The following ENPEP variants were observed in gnomAD, a reference collection of about 807,000 sequenced individuals.
The protein encoded by ENPEP is glutamyl aminopeptidase.
ENPEP carries 103 observed loss-of-function variants against 114.5 expected under a neutral mutation model. The ratio of observed to expected loss-of-function variants is 0.90; its 90% CI spans 0.77 to 1.06. The LOEUF is 1.06. Ranked by LOEUF, ENPEP falls within the 50% of genes least tolerant of loss-of-function variation. The probability of loss-of-function intolerance (pLI) is 0.00; values close to 1 mark genes in which losing one functional copy is unlikely to be tolerated. For synonymous variants in ENPEP, 420 were observed against 422.0 expected (o/e 1.00, Z 0.06); for missense variants, 1,196 against 1,161.3 (o/e 1.03, Z -0.43).
chr4:110,546,555 T>C (rs1371271524), intron 13 of ENPEP, among the ~76,000 whole-genome samples: 2 of 151,836 alleles, frequency 1.3e-5, no homozygotes, highest in Non-Finnish European at 2.9e-5. Flanking sequence ...CTAAGCAGAA[T>C]TTCAGCCAGG....
chr4:110,520,788 G>A (rs1725959878), intron 10 of ENPEP, among the ~76,000 whole-genome samples: 1 of 152,138 alleles, frequency 6.6e-6, no homozygotes, highest in Admixed American at 6.5e-5. Flanking sequence ...AGACTGAAGG[G>A]TAAGAGTGAG....
chr4:110,527,224 T>C (rs1050812200), intron 10 of ENPEP, among the ~76,000 whole-genome samples: 1 of 152,192 alleles, frequency 6.6e-6, no homozygotes, highest in Non-Finnish European at 1.5e-5. Flanking sequence ...AAGATGCCAG[T>C]TGACACCTGA....
intron 1 of ENPEP, among the ~76,000 whole-genome samples, chr4:110,485,750 G>A (rs1173103437): frequency 6.6e-6 from 1 of 151,848 alleles, no homozygotes. Context: ...ATACAGGCTG[G>A]CTATTTTGAG....
Position 110,564,430 on chromosome 4 carries a change from T to C in ENPEP, c.*2872T>C, listed in dbSNP as rs1727766162. ...TGTTGTTTCATCTATAAAGTAAGGA[T>C]CAAAATAGTAGCTACCTCAATGGTA... On this transcript the variant is annotated 3_prime_UTR_variant, in exon 20 of 20. Transcript: ENST00000265162. The C allele has an allele frequency of 6.6e-6, 1 of 152,142 alleles. No homozygotes were observed. Among genetic ancestry groups the C allele is most frequent in the Non-Finnish European group, 1.5e-5 (1 of 68,034 alleles). The allele number at this position is 152,142 out of a possible 1,614,324, so 9.4% of individuals were successfully genotyped here.
At chr4:110,524,234 T>C (rs1726111771) in intron 10 of ENPEP, among the ~76,000 whole-genome samples, 1 of 152,082 alleles carries the variant, frequency 6.6e-6, no homozygotes, top group African/African-American at 2.4e-5. Context: ...TAAAACCAGA[T>C]CACTTAATAG....
At position 110,549,920 on chromosome 4, in the gene ENPEP, G is replaced by C. The variant is rs1727225828; in HGVS notation, c.2501+34G>C. 6 of 1,534,188 alleles carry C rather than the reference G, an allele frequency of 3.9e-6. No individual in the cohort carries two copies. The South Asian group carries it at 4.8e-5, about 12-fold the overall frequency. On this transcript the variant is annotated intron_variant, in intron 17 of 19. Coordinates refer to ENST00000265162, the MANE Select transcript of ENPEP (RefSeq NM_001977.4). ...GGCTTTTATTTCACATATATAAATA[G>C]TATTTAATAGTTTATGTGTCACAGT...
chr4:110,479,580 T>C (rs1227395447), intron 1 of ENPEP, among the ~76,000 whole-genome samples: 2 of 152,168 alleles, frequency 1.3e-5, no homozygotes, highest in African/African-American at 4.8e-5. Flanking sequence ...CCAAACTCCA[T>C]TTCCACCAAC....
intron 13 of ENPEP, among the ~76,000 whole-genome samples, chr4:110,543,442 C>T (rs533440253): frequency 6.6e-6 from 1 of 151,926 alleles, no homozygotes. Flanking sequence ...TCTGTGAGCC[C>T]GAGCCCAGTG....
chr4:110,494,950 C>T (rs966196103), intron 3 of ENPEP, among the ~76,000 whole-genome samples: 1 of 152,060 alleles, frequency 6.6e-6, no homozygotes, highest in Non-Finnish European at 1.5e-5. Flanking sequence ...CTGAATTTCA[C>T]CCCAGAAAAA....
At chr4:110,489,413 T>G (rs1724619376) in intron 2 of ENPEP, among the ~76,000 whole-genome samples, 1 of 151,100 alleles carries the variant, frequency 6.6e-6, no homozygotes, top group African/African-American at 2.4e-5. Flanking sequence ...TGTCAAGGGG[T>G]GGGGGGCTAG....
At chr4:110,538,432 C>T (rs1726725312) in intron 11 of ENPEP, among the ~76,000 whole-genome samples, 9 of 152,214 alleles carry the variant, frequency 5.9e-5, no homozygotes, top group Admixed American at 5.9e-4. Context: ...AGCTTCCTCA[C>T]CTCTCTCAGG....
chr4:110,517,624 A>G (rs1301417848), intron 8 of ENPEP, among the ~76,000 whole-genome samples: 2 of 152,208 alleles, frequency 1.3e-5, no homozygotes. Context: ...TATCTATGTT[A>G]TAATTAATTT....
In ENPEP at chr4:110,520,076, A is replaced by T; in HGVS notation, c.1575+3A>T. The T allele has an allele frequency of 6.2e-7, 1 of 1,613,804 alleles. No individual in the cohort carries two copies. Among genetic ancestry groups the T allele is most frequent in the Non-Finnish European group, 8.5e-7 (1 of 1,179,722 alleles). On this transcript the variant is annotated splice_donor_region_variant and intron_variant, in intron 9 of 19. Transcript: ENST00000265162. ...ATTTTTGGGCAGCACTGGAAGAGGT[A>T]AGGAAGAGTATATGTCCCCAAATAT...
intron 1 of ENPEP, among the ~76,000 whole-genome samples, chr4:110,481,729 T>C (rs370928660): frequency 1.2e-4 from 19 of 152,190 alleles, no homozygotes; most frequent in Non-Finnish European, 2.5e-4. Flanking sequence ...TATATGTGTA[T>C]GTATATATAT....
At chr4:110,526,148 C>G (rs1726187670) in intron 10 of ENPEP, among the ~76,000 whole-genome samples, 1 of 151,986 alleles carries the variant, frequency 6.6e-6, no homozygotes, top group Admixed American at 6.6e-5. Context: ...TGGTAGCACA[C>G]ACCTGTAATC....
At chr4:110,519,884 T>C (rs988338936) in intron 8 of ENPEP, 124 bp from the exon 9 acceptor site, 1 of 706,304 alleles carries the variant, frequency 1.4e-6, no homozygotes, top group Non-Finnish European at 2.5e-6. Context: ...TTCATGTACA[T>C]GTTATCTATG....
At chr4:110,545,307 C>T (rs1256532810) in intron 13 of ENPEP, among the ~76,000 whole-genome samples, 3 of 152,074 alleles carry the variant, frequency 2.0e-5, no homozygotes, top group Non-Finnish European at 2.9e-5. Context: ...GGTAGTACTC[C>T]TACTGCCCTG....
chr4:110,557,769 C>T (rs370957776), intron 18 of ENPEP, among the ~76,000 whole-genome samples: 1 of 152,126 alleles, frequency 6.6e-6, no homozygotes, highest in East Asian at 1.9e-4. Context: ...GATGAAAAAA[C>T]ATATTGGCTT....
chr4:110,491,874 C>T (rs1724739768), intron 3 of ENPEP, among the ~76,000 whole-genome samples: 1 of 151,998 alleles, frequency 6.6e-6, no homozygotes, highest in African/African-American at 2.4e-5. Flanking sequence ...GCACCCGCCA[C>T]CACGCCTGGC....
Sources: gnomAD v4.1 joint callset for allele counts (sites outside exome capture counted in the v4.1 genomes callset) on GRCh38, gnomAD v4.1.1 for gene constraint, MANE v1.5 for transcripts, NCBI Gene and HGNC (gene_info 2026-07-23, HGNC 2026-07-21) for gene names.